Variants in ZRANB3 observed in about 807,000 individuals in gnomAD.
ZRANB3 encodes zinc finger RANBP2-type containing 3.
Under a neutral mutation model 133.8 loss-of-function variants are expected in ZRANB3, and 125 were observed. That is an observed-to-expected ratio of 0.93 (90% CI 0.81 to 1.08). ZRANB3 has a LOEUF of 1.08. Ranked by LOEUF, ZRANB3 falls within the 50% of genes least tolerant of loss-of-function variation. The probability of loss-of-function intolerance (pLI) is 0.00; values close to 1 mark genes in which losing one functional copy is unlikely to be tolerated. For missense variants in ZRANB3, 1,229 were observed against 1,275.5 expected, an observed-to-expected ratio of 0.96 and a Z score of 0.56; for synonymous variants, 387 against 432.7, an observed-to-expected ratio of 0.89 and a Z score of 1.31.
chr2:135,530,711 C>T (rs985720844), intron 1 of ZRANB3: 2 of 152,238 alleles, frequency 1.3e-5, no homozygotes, highest in African/African-American at 4.8e-5. Context: ...CACTTCTCTC[C>T]CGTTAGGGTT....
At chr2:135,263,159 A>G (rs1315261158) in intron 12 of ZRANB3, among the ~76,000 whole-genome samples, 2 of 152,076 alleles carry the variant, frequency 1.3e-5, no homozygotes, top group Admixed American at 6.6e-5. Context: ...TATTCTTCCA[A>G]TGTGTGTTTA....
At chr2:135,462,322 G>C (rs1690797939) in intron 2 of ZRANB3, among the ~76,000 whole-genome samples, 1 of 152,118 alleles carries the variant, frequency 6.6e-6, no homozygotes, top group African/African-American at 2.4e-5. Context: ...CACTTTGAAA[G>C]CTTCTTCCCA....
intron 2 of ZRANB3, among the ~76,000 whole-genome samples, chr2:135,495,622 T>C (rs1037296966): frequency 3.3e-5 from 5 of 152,228 alleles, no homozygotes; most frequent in African/African-American, 4.8e-5. Flanking sequence ...TCTCTATTTT[T>C]GTGACTTTTC....
chr2:135,330,878 G>A (rs1356908904), intron 6 of ZRANB3, among the ~76,000 whole-genome samples: 1 of 152,110 alleles, frequency 6.6e-6, no homozygotes, highest in East Asian at 1.9e-4. Flanking sequence ...TTGTATTTCC[G>A]TGGGATGAGT....
intron 3 of ZRANB3, among the ~76,000 whole-genome samples, chr2:135,361,029 C>T (rs954804246): frequency 1.3e-5 from 2 of 152,224 alleles, no homozygotes; most frequent in Admixed American, 1.3e-4. Context: ...ATCCTCCTGC[C>T]TTGGCCTCCC....
At chr2:135,453,089 A>T (rs1690346528) in intron 2 of ZRANB3, among the ~76,000 whole-genome samples, 1 of 152,202 alleles carries the variant, frequency 6.6e-6, no homozygotes, top group Admixed American at 6.5e-5. Context: ...TCAATTCTTG[A>T]TTTCTGTGCA....
chr2:135,391,861 G>A (rs1285506898), intron 2 of ZRANB3, among the ~76,000 whole-genome samples: 1 of 152,258 alleles, frequency 6.6e-6, no homozygotes, highest in South Asian at 2.1e-4. Context: ...TTACAGGTGT[G>A]AGCCACCGCG....
intron 2 of ZRANB3, among the ~76,000 whole-genome samples, chr2:135,453,515 T>C (rs1690366875): frequency 6.6e-6 from 1 of 152,226 alleles, no homozygotes; most frequent in African/African-American, 2.4e-5. Flanking sequence ...AAGTCACCTC[T>C]TGAATCCTTT....
intron 3 of ZRANB3, among the ~76,000 whole-genome samples, chr2:135,381,355 G>A (rs1686688587): frequency 6.6e-6 from 1 of 152,228 alleles, no homozygotes; most frequent in Non-Finnish European, 1.5e-5. Context: ...CGGCCTGGAA[G>A]CTCGAACAGG....
At chr2:135,222,500 G>T (rs1450017208) in intron 15 of ZRANB3, among the ~76,000 whole-genome samples, 1 of 151,778 alleles carries the variant, frequency 6.6e-6, no homozygotes, top group Admixed American at 6.6e-5. Flanking sequence ...GATCCTTTCA[G>T]AAAGTCATAA....
intron 8 of ZRANB3, among the ~76,000 whole-genome samples, chr2:135,276,822 T>G (rs1388686915): frequency 6.6e-6 from 1 of 152,172 alleles, no homozygotes; most frequent in Non-Finnish European, 1.5e-5. Context: ...AAGCACTTGA[T>G]TTACGTTGCA....
At position 135,265,567 on chromosome 2, in the gene ZRANB3, AG is replaced by A; in HGVS notation, c.1505del (p.Ser502LeufsTer4). On this transcript the variant is annotated frameshift_variant, in exon 12 of 21. Coordinates refer to ENST00000264159, the MANE Select transcript of ZRANB3 (RefSeq NM_032143.4). LOFTEE classifies it high-confidence loss of function. ...FAEAWTPNDS[S>X]EELRKEALFT... ...ACAAAGCTTCCTTCCTTAACTCTTCAGAACTGTCATTTGGAGTCCAAGCTTC... is the reference window on the plus strand; with the variant it reads ...ACAAAGCTTCCTTCCTTAACTCTTCAAACTGTCATTTGGAGTCCAAGCTTC... 6.2e-7 allele frequency: 1 copy of A among 1,613,756 alleles called. No homozygotes were observed. The highest frequency in any genetic ancestry group is 8.5e-7 in the Non-Finnish European group (1 of 1,179,792).
chr2:135,476,805 G>A (rs1392570483), intron 2 of ZRANB3, among the ~76,000 whole-genome samples: 2 of 150,814 alleles, frequency 1.3e-5, no homozygotes, highest in African/African-American at 4.9e-5. Flanking sequence ...CCAGGCTCAT[G>A]AGATCCTTCC....
chr2:135,494,460 C>T (rs1399382930), intron 2 of ZRANB3, among the ~76,000 whole-genome samples: 2 of 152,114 alleles, frequency 1.3e-5, no homozygotes, highest in South Asian at 4.1e-4. Flanking sequence ...TTACAGCCAT[C>T]ATGACAAAAT....
chr2:135,489,986 G>A (rs1041165205), intron 2 of ZRANB3, among the ~76,000 whole-genome samples: 20 of 152,164 alleles, frequency 1.3e-4, no homozygotes, highest in African/African-American at 3.4e-4. Context: ...AATATGGCAC[G>A]TCCAAGAAAA....
intron 2 of ZRANB3, among the ~76,000 whole-genome samples, chr2:135,393,861 T>C (rs774463850): frequency 6.6e-6 from 1 of 152,038 alleles, no homozygotes; most frequent in Non-Finnish European, 1.5e-5. Context: ...GCAGAAGTTA[T>C]TAACCTTTTT....
intron 12 of ZRANB3, among the ~76,000 whole-genome samples, chr2:135,233,710 G>A (rs1695146061): frequency 6.6e-6 from 1 of 152,154 alleles, no homozygotes; most frequent in Admixed American, 6.5e-5. Flanking sequence ...ATAAGTGAAG[G>A]AGAAATAAAA....
chr2:135,423,649 T>C (rs966367898), intron 2 of ZRANB3, among the ~76,000 whole-genome samples: 1 of 152,162 alleles, frequency 6.6e-6, no homozygotes, highest in South Asian at 2.1e-4. Flanking sequence ...AGAGGATTTA[T>C]AGAGTTGGAA....
At chr2:135,235,534 C>T (rs1294477081) in intron 12 of ZRANB3, among the ~76,000 whole-genome samples, 1 of 151,936 alleles carries the variant, frequency 6.6e-6, no homozygotes, top group East Asian at 1.9e-4. Flanking sequence ...TGCAAAAATC[C>T]TCAATAAAAT....
Sources: allele counts gnomAD v4.1 joint callset (sites outside exome capture counted in the v4.1 genomes callset), GRCh38; gene constraint gnomAD v4.1.1; transcripts MANE v1.5; gene names NCBI Gene and HGNC (gene_info 2026-07-23, HGNC 2026-07-21).